The following SLF1 variants were observed in gnomAD, a reference collection of about 807,000 sequenced individuals.
SLF1 encodes SMC5/6 complex localization factor 1.
SLF1 carries 105 observed loss-of-function variants against 123.0 expected under a neutral mutation model. That is an observed-to-expected ratio of 0.85 (90% CI 0.73 to 1.00). SLF1 has a LOEUF of 1.00. SLF1 is among the 50% of genes least tolerant of loss of function. The pLI is 0.00. For missense variants in SLF1, 1,239 were observed against 1,223.0 expected, an observed-to-expected ratio of 1.01 and a Z score of -0.20; for synonymous variants, 434 against 406.6, an observed-to-expected ratio of 1.07 and a Z score of -0.81.
chr5:94,650,714 C>T (rs1441608188), intron 6 of SLF1, among the ~76,000 whole-genome samples: 1 of 151,984 alleles, frequency 6.6e-6, no homozygotes, highest in Non-Finnish European at 1.5e-5. Flanking sequence ...GCATTTTTTT[C>T]TGACTTTTCC....
chr5:94,648,864 T>C (rs1673058352), intron 5 of SLF1, among the ~76,000 whole-genome samples: 1 of 152,214 alleles, frequency 6.6e-6, no homozygotes, highest in South Asian at 2.1e-4. Flanking sequence ...TACAGAATTA[T>C]ATGTATAAGT....
intron 4 of SLF1, among the ~76,000 whole-genome samples, chr5:94,642,478 A>G (rs1033124885): frequency 2.2e-4 from 34 of 152,346 alleles, no homozygotes; most frequent in African/African-American, 7.2e-4. Flanking sequence ...TTGATCTGCC[A>G]AAAGTGAAAT....
intron 1 of SLF1, among the ~76,000 whole-genome samples, chr5:94,625,981 G>A (rs1470078181): frequency 2.0e-5 from 3 of 151,990 alleles, no homozygotes; most frequent in Non-Finnish European, 2.9e-5. Flanking sequence ...TAGGTCGGGC[G>A]CGGTGGCTCA....
rs1311402904 is a variant in SLF1 at position 94,663,768 on chromosome 5, C to T, written c.1228C>T (p.Pro410Ser). Residue 410 changes from proline (P) to serine (S), a missense_variant, in exon 11 of 21, where the codon CCC (proline) becomes TCC (serine). By Grantham distance (74) the Pro-to-Ser change is moderately conservative. Coordinates refer to ENST00000265140, the MANE Select transcript of SLF1 (RefSeq NM_032290.4). ...TTCTTAGGTTAAAAATGCTGAATTT[C>T]CCAGAGGTGTATTAAATTTAATTGA... ...YNVEVKNAEF[P>S]RGVLNLIESL... 6.5e-7 allele frequency: 1 copy of T among 1,539,486 alleles called. No homozygotes were observed. Among genetic ancestry groups the T allele is most frequent in the Non-Finnish European group, 8.8e-7 (1 of 1,142,792 alleles).
In SLF1 at chr5:94,692,096, G is replaced by T. The variant is rs1200262763; in HGVS notation, c.2535G>T (p.Leu845Phe). 6.2e-7 allele frequency: 1 copy of T among 1,613,542 alleles called. No individual in the cohort carries two copies. The highest frequency in any genetic ancestry group is 1.1e-5 in the South Asian group (1 of 91,046). ...TAGACAATGCTGGCTGGACGCCTTT[G>T]CATGAAGCCTGTAACTATGGCAACA... ...NVKDNAGWTP[L>F]HEACNYGNTV... is the part of the protein sequence containing the mutation. Residue 845 changes from leucine to phenylalanine, a missense_variant, in exon 20 of 21, where the codon TTG (leucine) becomes TTT (phenylalanine). Leu to Phe is a conservative substitution (Grantham distance 22). Coordinates refer to ENST00000265140, the MANE Select transcript of SLF1 (RefSeq NM_032290.4).
intron 12 of SLF1, among the ~76,000 whole-genome samples, chr5:94,668,208 A>G (rs1478392314): frequency 6.6e-6 from 1 of 151,772 alleles, no homozygotes; most frequent in Non-Finnish European, 1.5e-5. Context: ...TGGCGGGATC[A>G]TAGCTCACTG....
intron 4 of SLF1, among the ~76,000 whole-genome samples, chr5:94,633,013 A>G (rs921457259): frequency 6.6e-6 from 1 of 151,440 alleles, no homozygotes; most frequent in Non-Finnish European, 1.5e-5. Flanking sequence ...TTTTTGAGGT[A>G]GCGTTTTGCT....
At chr5:94,676,976 G>T (rs1205566176) in intron 14 of SLF1, among the ~76,000 whole-genome samples, 1 of 152,164 alleles carries the variant, frequency 6.6e-6, no homozygotes, top group Non-Finnish European at 1.5e-5. Context: ...CAGAGTGCTA[G>T]GGATTTCTTT....
intron 4 of SLF1, among the ~76,000 whole-genome samples, chr5:94,639,126 T>A (rs1337365333): frequency 1.4e-5 from 2 of 142,104 alleles, no homozygotes; most frequent in East Asian, 2.4e-4. Context: ...CTGCAACCTC[T>A]GCCTCCCAAG....
chr5:94,639,688 C>T (rs770212094), intron 4 of SLF1, among the ~76,000 whole-genome samples: 1 of 152,148 alleles, frequency 6.6e-6, no homozygotes, highest in Non-Finnish European at 1.5e-5. Flanking sequence ...AAACAGTTAA[C>T]ATAAATTTTG....
intron 16 of SLF1, among the ~76,000 whole-genome samples, chr5:94,686,932 G>A (rs1302253233): frequency 1.3e-5 from 2 of 152,044 alleles, no homozygotes; most frequent in Admixed American, 6.6e-5. Flanking sequence ...GGCTACAGGC[G>A]CCCACCACCA....
intron 9 of SLF1, among the ~76,000 whole-genome samples, chr5:94,660,154 C>T (rs1165510471): frequency 1.3e-5 from 2 of 152,188 alleles, no homozygotes; most frequent in Admixed American, 1.3e-4. Context: ...CTGTCCTAGG[C>T]CCCAGATGGT....
At chr5:94,638,887 A>G (rs1388017964) in intron 4 of SLF1, among the ~76,000 whole-genome samples, 2 of 152,244 alleles carry the variant, frequency 1.3e-5, no homozygotes, top group East Asian at 3.9e-4. Context: ...GGTTTCTTTT[A>G]GACATTCTAC....
chr5:94,678,913 A>G lies in SLF1; in HGVS notation c.1933A>G (p.Met645Val). 1 of 1,613,722 alleles carries G rather than the reference A, an allele frequency of 6.2e-7. No individual in the cohort carries two copies. The highest frequency in any genetic ancestry group is 2.2e-5 in the East Asian group (1 of 44,796). Residue 645 changes from methionine to valine, a missense_variant, in exon 15 of 21, where the codon ATG (methionine) becomes GTG (valine). By Grantham distance (21) the Met-to-Val change is conservative. Transcript: ENST00000265140. ...LKMGRNVMRH[M>V]SDDLGSYVSL... is the part of the protein sequence containing the mutation. ...GATGGGTAGAAATGTGATGCGACAC[A>G]TGTCTGATGACTTAGGAAGTTATGT...
chr5:94,657,215 T>G (rs928628138), intron 9 of SLF1, among the ~76,000 whole-genome samples: 12 of 151,980 alleles, frequency 7.9e-5, no homozygotes, highest in Non-Finnish European at 1.5e-4. Context: ...CTGCTTTTGC[T>G]GTATTCTATA....
intron 1 of SLF1, chr5:94,620,102 A>G (rs2152459849): frequency 6.6e-6 from 1 of 152,204 alleles, no homozygotes; most frequent in East Asian, 1.9e-4. Flanking sequence ...CTGGTCTCGA[A>G]CTCCTGATCT....
At chr5:94,693,906 C>G (rs968838787) in intron 20 of SLF1, among the ~76,000 whole-genome samples, 1 of 151,518 alleles carries the variant, frequency 6.6e-6, no homozygotes, top group African/African-American at 2.4e-5. Flanking sequence ...ATATTAAGTA[C>G]ATTTTATATC....
chr5:94,653,228 A>C, intron 7 of SLF1, 44 bp from the exon 8 acceptor site: 1 of 1,432,784 alleles, frequency 7.0e-7, no homozygotes, highest in Non-Finnish European at 9.3e-7. Flanking sequence ...TTTGTAACAT[A>C]TGTCATTGAT....
chr5:94,644,238 T>C (rs1441036736), intron 5 of SLF1, among the ~76,000 whole-genome samples: 3 of 152,212 alleles, frequency 2.0e-5, no homozygotes, highest in Non-Finnish European at 4.4e-5. Context: ...AATAGGCTTG[T>C]GATTAATCTT....
Sources: gnomAD v4.1 joint callset for allele counts (sites outside exome capture counted in the v4.1 genomes callset) on GRCh38, gnomAD v4.1.1 for gene constraint, MANE v1.5 for transcripts, NCBI Gene and HGNC (gene_info 2026-07-23, HGNC 2026-07-21) for gene names.